SMYD1: variants seen among roughly 807,000 people sequenced by gnomAD.
The protein encoded by SMYD1 is SET and MYND domain containing 1.
In SMYD1, 49 loss-of-function variants were observed where a neutral mutation model predicts 54.0. The ratio of observed to expected loss-of-function variants is 0.91; its 90% CI spans 0.72 to 1.15. SMYD1 has a LOEUF of 1.15. SMYD1 is among the 50% of genes most tolerant of loss of function. The pLI is 0.00. For missense variants in SMYD1, 653 were observed against 639.6 expected (o/e 1.02, Z -0.23); for synonymous variants, 269 against 234.2 (o/e 1.15, Z -1.36).
chr2:88,076,634 AAAG>A (rs1021789880), intron 1 of SMYD1, among the ~76,000 whole-genome samples: 46 of 152,354 alleles, frequency 3.0e-4, no homozygotes, highest in African/African-American at 1.1e-3. Flanking sequence ...GGAAAGAAGA[AAAG>A]AAGAAGGAAT....
intron 1 of SMYD1, among the ~76,000 whole-genome samples, chr2:88,078,494 C>A (rs1674118240): frequency 6.6e-6 from 1 of 152,060 alleles, no homozygotes. Flanking sequence ...ATATTGGAGT[C>A]AGGAGTAGAA....
At chr2:88,079,268 T>C (rs770324572) in intron 1 of SMYD1, among the ~76,000 whole-genome samples, 2 of 151,926 alleles carry the variant, frequency 1.3e-5, no homozygotes, top group Non-Finnish European at 2.9e-5. Context: ...TTTGAGAACA[T>C]GAGGGTCATG....
At chr2:88,073,152 A>C (rs1673985656) in intron 1 of SMYD1, among the ~76,000 whole-genome samples, 1 of 152,182 alleles carries the variant, frequency 6.6e-6, no homozygotes, top group African/African-American at 2.4e-5. Flanking sequence ...CAAAATGAAA[A>C]CATGTTATTT....
At chr2:88,085,975 A>T (rs1278629604) in intron 2 of SMYD1, among the ~76,000 whole-genome samples, 2 of 152,188 alleles carry the variant, frequency 1.3e-5, no homozygotes, top group African/African-American at 2.4e-5. Context: ...TGGTTCAAAA[A>T]GAGGTGGGGG....
At position 88,093,569 on chromosome 2, in the gene SMYD1, T is replaced by C. The variant is rs1324909732; in HGVS notation, c.698+14T>C. The C allele has an allele frequency of 3.7e-6, 6 of 1,614,076 alleles. No homozygotes were observed. Among genetic ancestry groups the C allele is most frequent in the Non-Finnish European group, 5.1e-6 (6 of 1,180,026 alleles). Reference sequence around the variant, plus strand: ...TACCCAGATGAGGTGGGTCAGTCCTTTCAAGCATCCCTGCTCCTCTGACCC... The same window carrying C: ...TACCCAGATGAGGTGGGTCAGTCCTCTCAAGCATCCCTGCTCCTCTGACCC... On this transcript the variant is annotated intron_variant, in intron 5 of 9. Coordinates refer to ENST00000419482, the MANE Select transcript of SMYD1 (RefSeq NM_198274.4).
intron 4 of SMYD1, 55 bp downstream of exon 4, chr2:88,091,197 G>A (rs977730209): frequency 1.3e-6 from 2 of 1,565,898 alleles, no homozygotes; most frequent in East Asian, 2.3e-5. Flanking sequence ...GACCTATGGT[G>A]TTTTCTCCAC....
At chr2:88,088,601 C>T (rs1674393693) in intron 3 of SMYD1, among the ~76,000 whole-genome samples, 1 of 152,158 alleles carries the variant, frequency 6.6e-6, no homozygotes, top group African/African-American at 2.4e-5. Flanking sequence ...CTTATTTATC[C>T]ATCTCTGGAT....
intron 7 of SMYD1, among the ~76,000 whole-genome samples, chr2:88,105,619 G>T (rs114250734): frequency 0.032 from 4,891 of 152,142 alleles, 267 homozygotes; most frequent in African/African-American, 0.11. Context: ...GTTTTTTGCT[G>T]TTGTATGATT....
chr2:88,089,583 C>CTCTTTTTTTTT lies in SMYD1; in HGVS notation c.529-1428_529-1427insCTTTTTTTTTT, dbSNP rs1481581789. On this transcript the variant is annotated intron_variant, in intron 3 of 9. Coordinates refer to ENST00000419482, the MANE Select transcript of SMYD1 (RefSeq NM_198274.4). ...TATTTTCAGGAGCCAGAGCTTCTAC[C>CTCTTTTTTTTT]TGTTTTTTTTTTTTTTTTTTTTTTT... 7.0e-5 allele frequency among the ~76,000 whole-genome samples: 8 copies of CTCTTTTTTTTT among 115,006 alleles called. 2 individuals are homozygous for CTCTTTTTTTTT. Among genetic ancestry groups the CTCTTTTTTTTT allele is most frequent in the African/African-American group, 1.1e-4 (3 of 27,180 alleles). 75.4% of individuals were successfully genotyped at this position (115,006 alleles called of 152,430 possible).
At chr2:88,094,102 T>TTTCCTC (rs11280867) in intron 5 of SMYD1, among the ~76,000 whole-genome samples, 86,570 of 151,534 alleles carry the variant, frequency 0.57, 25,178 homozygotes, top group African/African-American at 0.68. Flanking sequence ...AGATGGGTCT[T>TTTCCTC]AGGGTGGGGT....
chr2:88,103,283 G>A (rs1004461289), intron 7 of SMYD1, 133 bp downstream of exon 7: 6 of 673,536 alleles, frequency 8.9e-6, no homozygotes, highest in Admixed American at 2.3e-5. Context: ...TCTAGAAGAT[G>A]TCCCTTGGTT....
At chr2:88,073,637 G>A (rs182699744) in intron 1 of SMYD1, among the ~76,000 whole-genome samples, 34 of 152,222 alleles carry the variant, frequency 2.2e-4, no homozygotes, top group East Asian at 1.9e-3. Flanking sequence ...TTCAAAATAC[G>A]TTTTTAAGGC....
chr2:88,074,993 G>A (rs1265545207), intron 1 of SMYD1, among the ~76,000 whole-genome samples: 1 of 152,132 alleles, frequency 6.6e-6, no homozygotes, highest in Admixed American at 6.5e-5. Context: ...TGGTTATTGG[G>A]GGATAAATGA....
chr2:88,085,392 C>T (rs1674300690), intron 2 of SMYD1, among the ~76,000 whole-genome samples: 3 of 152,136 alleles, frequency 2.0e-5, no homozygotes, highest in Admixed American at 2.0e-4. Flanking sequence ...GGGTGGGGCT[C>T]AGTGCTGGGC....
At position 88,100,140 on chromosome 2, in the gene SMYD1, C is replaced by G. The variant is rs58241174; in HGVS notation, c.889-2918C>G. 6.8e-3 allele frequency among the ~76,000 whole-genome samples: 1,028 copies of G among 152,250 alleles called. 11 individuals carry two copies. The highest frequency in any genetic ancestry group is 0.023 in the African/African-American group (953 of 41,530). On this transcript the variant is annotated intron_variant, in intron 6 of 9. Transcript: ENST00000419482. ...TTTCACAGCGGGGGTTCCTTAAATC[C>G]TGTCTGCAAATCAGAGTGTTCCTGC...
chr2:88,087,038 C>CA (rs1274101803), intron 2 of SMYD1, among the ~76,000 whole-genome samples: 2 of 36,422 alleles, frequency 5.5e-5, no homozygotes, highest in Non-Finnish European at 9.7e-5. Flanking sequence ...TTTTACTTTG[C>CA]AAAAAAATAA....
intron 2 of SMYD1, among the ~76,000 whole-genome samples, 193 bp from the exon 3 acceptor site, chr2:88,087,669 T>C (rs571860367): frequency 6.6e-6 from 1 of 152,360 alleles, no homozygotes; most frequent in East Asian, 1.9e-4. Flanking sequence ...TAGCACTTTC[T>C]ATGTAAAATG....
rs772508368 is a variant in SMYD1 at position 88,067,861 on chromosome 2, T to A, written c.-4T>A. 1.1e-5 allele frequency: 18 copies of A among 1,612,936 alleles called. No individual in the cohort carries two copies. Among genetic ancestry groups the A allele is most frequent in the Admixed American group, 1.7e-5 (1 of 59,792 alleles). ...ACTGCCGCGCTGGCCTGACAGTCTC[T>A]GAGATGACAATAGGGAGAATGGAGA... On this transcript the variant is annotated 5_prime_UTR_variant, in exon 1 of 10. Transcript: ENST00000419482.
chr2:88,098,189 C>A (rs1674637348), intron 6 of SMYD1, among the ~76,000 whole-genome samples: 1 of 152,212 alleles, frequency 6.6e-6, no homozygotes, highest in Non-Finnish European at 1.5e-5. Context: ...TGTTTCATAA[C>A]TTGCTTCCAC....
Sources: gnomAD v4.1 joint callset for allele counts (sites outside exome capture counted in the v4.1 genomes callset) on GRCh38, gnomAD v4.1.1 for gene constraint, MANE v1.5 for transcripts, NCBI Gene and HGNC (gene_info 2026-07-23, HGNC 2026-07-21) for gene names.